The following MTMR7 variants were observed in gnomAD, a reference collection of about 807,000 sequenced individuals.
The protein encoded by MTMR7 is myotubularin related protein 7.
In MTMR7, 76 loss-of-function variants were observed where a neutral mutation model predicts 81.2. The ratio of observed to expected loss-of-function variants is 0.94; its 90% CI spans 0.78 to 1.13. MTMR7 has a LOEUF of 1.13. MTMR7 is among the 50% of genes most tolerant of loss of function. The pLI is 0.00. For synonymous variants in MTMR7, 372 were observed against 289.8 expected, an observed-to-expected ratio of 1.28 and a Z score of -2.88; for missense variants, 1,044 against 820.0, an observed-to-expected ratio of 1.27 and a Z score of -3.34.
At chr8:17,342,463 G>C (rs532321026) in intron 5 of MTMR7, among the ~76,000 whole-genome samples, 2 of 152,158 alleles carry the variant, frequency 1.3e-5, no homozygotes, top group African/African-American at 4.8e-5. Context: ...CCTGTTCAGC[G>C]TGCTTGTATT....
At chr8:17,373,324 C>G in intron 1 of MTMR7, 84 bp from the exon 2 acceptor site, 1 of 1,459,998 alleles carries the variant, frequency 6.8e-7, no homozygotes, top group Non-Finnish European at 9.1e-7. Flanking sequence ...TAAACTCACA[C>G]TTACTCCAAA....
intron 1 of MTMR7, among the ~76,000 whole-genome samples, chr8:17,376,379 G>A (rs1820588277): frequency 1.3e-5 from 2 of 152,126 alleles, no homozygotes; most frequent in South Asian, 4.1e-4. Flanking sequence ...TGACTACCAG[G>A]AATAATGCTG....
chr8:17,322,590 C>T (rs998601415), intron 7 of MTMR7, among the ~76,000 whole-genome samples: 3 of 152,122 alleles, frequency 2.0e-5, no homozygotes, highest in Non-Finnish European at 4.4e-5. Flanking sequence ...GAGGCCAAGG[C>T]AGTAGGATTG....
chr8:17,361,342 C>T (rs2150557291), intron 3 of MTMR7, 68 bp from the exon 4 acceptor site: 1 of 1,574,578 alleles, frequency 6.4e-7, no homozygotes, highest in South Asian at 1.1e-5. Flanking sequence ...TCCCCGAAAA[C>T]ATTCTGTCCC....
At chr8:17,313,480 T>G (rs1156629876) in intron 7 of MTMR7, 79 bp from the exon 8 acceptor site, 2 of 887,072 alleles carry the variant, frequency 2.3e-6, no homozygotes, top group Admixed American at 4.4e-5. Flanking sequence ...ATAGGTAGTT[T>G]GTTAATGATT....
In MTMR7 at chr8:17,296,943, A is replaced by G. The variant is rs899454314; in HGVS notation, c.*2919T>C. 2.2e-4 allele frequency: 34 copies of G among 152,314 alleles called. No individual in the cohort carries two copies. Among genetic ancestry groups the G allele is most frequent in the African/African-American group, 8.2e-4 (34 of 41,574 alleles). The allele number at this position is 152,314 out of a possible 1,614,324, so 9.4% of individuals were successfully genotyped here. A position where few individuals can be genotyped will look rare whatever the true frequency, so the allele number is the denominator to read the frequency against. On this transcript the variant is annotated 3_prime_UTR_variant, in exon 14 of 14. Transcript: ENST00000180173. ...TTAACAAATAGACAAATCAGTTTAC[A>G]TAAAGGTTATGTATGTCACCCACGA... is the stretch of plus-strand genomic sequence containing the variant.
At position 17,361,053 on chromosome 8, in the gene MTMR7, G is replaced by T. The variant is rs924458841; in HGVS notation, c.468+64C>A. On this transcript the variant is annotated intron_variant, in intron 4 of 13. Coordinates refer to ENST00000180173, the MANE Select transcript of MTMR7 (RefSeq NM_004686.5). ...AAACCTGAAGGAGATAAAAATAAAG[G>T]GATGCTAAGCTGGCTGAAACCCTAA... 1.9e-6 allele frequency: 3 copies of T among 1,559,536 alleles called. No homozygotes were observed. The African/African-American group carries it at 4.1e-5, about 21-fold the overall frequency.
chr8:17,366,430 A>T lies in MTMR7; in HGVS notation c.310+4607T>A, dbSNP rs1287867075. ...ATTTTAAAAATGAAAAGAAAAAACA[A>T]ACATGAATCAGCATCAGCAGAATGG... On this transcript the variant is annotated intron_variant, in intron 3 of 13. Transcript: ENST00000180173. 2.0e-5 allele frequency among the ~76,000 whole-genome samples: 3 copies of T among 152,258 alleles called. No homozygotes were observed. In the East Asian group the frequency reaches 5.8e-4, roughly 29 times the overall value.
intron 7 of MTMR7, among the ~76,000 whole-genome samples, chr8:17,320,045 C>T (rs1818300900): frequency 6.6e-6 from 1 of 152,066 alleles, no homozygotes. Context: ...AAAAACACTT[C>T]ATTACTAGCT....
chr8:17,312,705 T>A (rs114548454), intron 8 of MTMR7, among the ~76,000 whole-genome samples: 2 of 151,758 alleles, frequency 1.3e-5, no homozygotes, highest in African/African-American at 4.8e-5. Context: ...TGGCACTAAA[T>A]AAAGATTTCT....
At chr8:17,302,603 T>G (rs1217776612) in intron 12 of MTMR7, among the ~76,000 whole-genome samples, 2 of 151,708 alleles carry the variant, frequency 1.3e-5, no homozygotes, top group African/African-American at 4.8e-5. Flanking sequence ...AACTTTGAAA[T>G]TGTATATTTA....
chr8:17,397,931 T>A (rs1821312242), intron 1 of MTMR7, among the ~76,000 whole-genome samples: 1 of 152,204 alleles, frequency 6.6e-6, no homozygotes, highest in South Asian at 2.1e-4. Flanking sequence ...ATCTCTCTGA[T>A]AATCCAAATA....
intron 1 of MTMR7, among the ~76,000 whole-genome samples, chr8:17,387,980 G>C (rs1393850800): frequency 6.6e-6 from 1 of 152,124 alleles, no homozygotes; most frequent in East Asian, 1.9e-4. Flanking sequence ...TCTCCTAAGG[G>C]AATATACAAG....
chr8:17,321,479 G>A (rs963123403), intron 7 of MTMR7, among the ~76,000 whole-genome samples: 2 of 152,212 alleles, frequency 1.3e-5, no homozygotes, highest in South Asian at 4.1e-4. Context: ...ACCACTGAGA[G>A]GGTGTTTTCT....
intron 4 of MTMR7, among the ~76,000 whole-genome samples, chr8:17,358,911 T>C (rs1488077429): frequency 6.6e-6 from 1 of 152,170 alleles, no homozygotes; most frequent in Non-Finnish European, 1.5e-5. Context: ...TTTAAAAAAT[T>C]TGAGACAAGG....
intron 3 of MTMR7, among the ~76,000 whole-genome samples, chr8:17,368,439 C>G (rs143732252): frequency 6.6e-6 from 1 of 152,312 alleles, no homozygotes; most frequent in East Asian, 1.9e-4. Flanking sequence ...CTACATTTTA[C>G]TACTAGAATT....
chr8:17,323,222 C>G (rs912692396), intron 7 of MTMR7, among the ~76,000 whole-genome samples: 1 of 151,990 alleles, frequency 6.6e-6, no homozygotes, highest in African/African-American at 2.4e-5. Context: ...GCTGAGATTA[C>G]AGGTATGAGC....
At chr8:17,378,420 T>C (rs1209419533) in intron 1 of MTMR7, among the ~76,000 whole-genome samples, 1 of 152,220 alleles carries the variant, frequency 6.6e-6, no homozygotes, top group Non-Finnish European at 1.5e-5. Context: ...TTTCAGAGTT[T>C]GGGCACCATC....
At chr8:17,385,565 T>C (rs900290608) in intron 1 of MTMR7, among the ~76,000 whole-genome samples, 2 of 152,224 alleles carry the variant, frequency 1.3e-5, no homozygotes, top group African/African-American at 4.8e-5. Flanking sequence ...CCCAGCCATG[T>C]AGAACTGTGA....
Sources: allele counts gnomAD v4.1 joint callset (sites outside exome capture counted in the v4.1 genomes callset), GRCh38; gene constraint gnomAD v4.1.1; transcripts MANE v1.5; gene names NCBI Gene and HGNC (gene_info 2026-07-23, HGNC 2026-07-21).